The following ING5 variants were observed in gnomAD, a reference collection of about 807,000 sequenced individuals.
The protein encoded by ING5 is inhibitor of growth family member 5.
A neutral mutation model predicts 37.4 loss-of-function variants in ING5; 17 were observed. The ratio of observed to expected loss-of-function variants is 0.45; its 90% confidence interval spans 0.31 to 0.68. The LOEUF is 0.68. ING5 is among the 30% of genes least tolerant of loss of function. ING5 has a pLI of 0.05. For synonymous variants in ING5, 123 were observed against 116.6 expected (o/e 1.06, Z -0.36); for missense variants, 233 against 311.9 (o/e 0.75, Z 1.91).
intron 2 of ING5, among the ~76,000 whole-genome samples, chr2:241,691,226 G>GTGAA (rs2069549215): frequency 2.7e-5 from 4 of 150,674 alleles, no homozygotes; most frequent in Non-Finnish European, 5.9e-5. Context: ...ATCATTTGAG[G>GTGAA]TCAGGAGTTC....
At chr2:241,711,538 T>G in intron 4 of ING5, 50 bp downstream of exon 4, 1 of 1,236,608 alleles carries the variant, frequency 8.1e-7, no homozygotes. Flanking sequence ...AACTATGGAG[T>G]TTTGAAGAGT....
intron 5 of ING5, among the ~76,000 whole-genome samples, chr2:241,717,688 G>A (rs2070312936): frequency 6.9e-6 from 1 of 145,828 alleles, no homozygotes; most frequent in Non-Finnish European, 1.5e-5. Context: ...AATTATTTTT[G>A]GTGGTTTCTT....
Position 241,704,642 on chromosome 2 carries a change from T to C in ING5, c.38-11T>C. ...TGAGAGGTACATGGCTTCTGTGTTTTTGCGTTTCAGGTATCGAGAACCTTC... is the reference window on the plus strand; with the variant it reads ...TGAGAGGTACATGGCTTCTGTGTTTCTGCGTTTCAGGTATCGAGAACCTTC... On this transcript the variant is annotated splice_polypyrimidine_tract_variant and intron_variant, in intron 1 of 7. Transcript: ENST00000313552. 1 of 1,613,284 alleles carries C rather than the reference T, an allele frequency of 6.2e-7. No homozygotes were observed. The highest frequency in any genetic ancestry group is 8.5e-7 in the Non-Finnish European group (1 of 1,179,210).
Position 241,711,410 on chromosome 2 carries a change from C to A in ING5, c.310C>A (p.Leu104Met). The change falls in exon 4 of 8, where the codon CTG becomes ATG. Residue 104 changes from leucine to methionine, a missense_variant. Coordinates refer to ENST00000313552, the MANE Select transcript of ING5 (RefSeq NM_032329.6). ...ACACATTCGAAGGCTTGATGCAGAC[C>A]TGGCGCGCTTTGAAGCAGATCTGAA... Reference protein sequence around the residue: ...DKHIRRLDADLARFEADLKDK... With the variant: ...DKHIRRLDADMARFEADLKDK... 6.3e-7 allele frequency: 1 copy of A among 1,583,210 alleles called. No individual in the cohort carries two copies. The highest frequency in any genetic ancestry group is 8.6e-7 in the Non-Finnish European group (1 of 1,166,718).
At chr2:241,724,092 GA>G in intron 7 of ING5, 1 of 1,328,564 alleles carries the variant, frequency 7.5e-7, no homozygotes, top group Non-Finnish European at 9.6e-7. Flanking sequence ...TTCTGAAAAT[GA>G]AATCGGAATG....
At chr2:241,698,750 CAG>C (rs912146784), upstream of ING5, among the ~76,000 whole-genome samples, 9 of 152,138 alleles carry the variant, frequency 5.9e-5, no homozygotes, top group Non-Finnish European at 1.2e-4. Flanking sequence ...GTTTTTGAGA[CAG>C]AGTCTTGCTC....
At chr2:241,701,369 C>T (rs1040185792), upstream of ING5, among the ~76,000 whole-genome samples, 3 of 152,226 alleles carry the variant, frequency 2.0e-5, no homozygotes, top group African/African-American at 7.2e-5. Context: ...CCAGATGGTG[C>T]GGGTCCTGCC....
At chr2:241,687,225 C>A (rs573205676) in exon 1 of ING5, 2 of 397,218 alleles carry the variant, frequency 5.0e-6, no homozygotes, top group Admixed American at 8.8e-5. Flanking sequence ...ACTCTCAGGG[C>A]CCTGCGGTGC....
intron 5 of ING5, chr2:241,721,497 T>C (rs778158027): frequency 1.0e-6 from 1 of 985,444 alleles, no homozygotes; most frequent in Non-Finnish European, 1.2e-6. Flanking sequence ...TGTGTGTGTA[T>C]GTGTACAGGC....
intron 5 of ING5, chr2:241,712,314 G>A (rs556651827): frequency 1.1e-4 from 46 of 423,810 alleles, no homozygotes; most frequent in Middle Eastern, 6.7e-4. Context: ...GCTGTGGTGC[G>A]GCTGGGCTGC....
At position 241,711,898 on chromosome 2, in the gene ING5, C is replaced by T. The variant is rs1575130224; in HGVS notation, c.389-80C>T. 4.0e-6 allele frequency: 5 copies of T among 1,253,916 alleles called. No homozygotes were observed. In the East Asian group the frequency reaches 1.3e-4, roughly 32 times the overall value. The allele number at this position is 1,253,916 out of a possible 1,614,324, so 77.7% of individuals were successfully genotyped here. On this transcript the variant is annotated intron_variant, in intron 4 of 7. Coordinates refer to ENST00000313552, the MANE Select transcript of ING5 (RefSeq NM_032329.6). Reference sequence around the variant, plus strand: ...CCAGCCTGGGAGACAGAGCGAGACCCCTTTTTAAAAACAAAACACAAAACT... The same window carrying T: ...CCAGCCTGGGAGACAGAGCGAGACCTCTTTTTAAAAACAAAACACAAAACT...
At chr2:241,688,690 C>T (rs1401959877) in intron 1 of ING5, among the ~76,000 whole-genome samples, 2 of 152,182 alleles carry the variant, frequency 1.3e-5, no homozygotes, top group African/African-American at 4.8e-5. Flanking sequence ...GTGGCGCGAT[C>T]TCAGCTCACT....
At chr2:241,700,574 G>A (rs1286017315), upstream of ING5, among the ~76,000 whole-genome samples, 2 of 151,982 alleles carry the variant, frequency 1.3e-5, no homozygotes, top group African/African-American at 4.8e-5. Context: ...TCCTGTTTCA[G>A]CCTCCCGAGT....
chr2:241,710,344 C>T (rs1265743724), intron 3 of ING5, among the ~76,000 whole-genome samples: 1 of 151,896 alleles, frequency 6.6e-6, no homozygotes, highest in Non-Finnish European at 1.5e-5. Flanking sequence ...ACTGTGTCGC[C>T]CAGACTAGGG....
chr2:241,720,099 A>C (rs1263858091), intron 5 of ING5: 3 of 1,239,694 alleles, frequency 2.4e-6, no homozygotes, highest in East Asian at 3.1e-5. Context: ...AGGATGGTGC[A>C]GGTGGGCAGA....
At chr2:241,693,042 C>T (rs1482838472) in intron 2 of ING5, among the ~76,000 whole-genome samples, 2 of 151,928 alleles carry the variant, frequency 1.3e-5, no homozygotes, top group African/African-American at 2.4e-5. Flanking sequence ...GGGCAGATCA[C>T]GAGATCAGGA....
chr2:241,724,767 G>C, intron 7 of ING5: 1 of 507,572 alleles, frequency 2.0e-6, no homozygotes, highest in South Asian at 2.2e-5. Context: ...TTTGCTCATT[G>C]ATGGTGTATC....
At chr2:241,702,316 C>A (rs1210204751) in intron 1 of ING5, among the ~76,000 whole-genome samples, 1 of 149,822 alleles carries the variant, frequency 6.7e-6, no homozygotes, top group Non-Finnish European at 1.5e-5. Flanking sequence ...CCGGCTGGGT[C>A]GCGCCAATTC....
intron 1 of ING5, among the ~76,000 whole-genome samples, chr2:241,688,921 C>A (rs866100623): frequency 6.6e-6 from 1 of 152,138 alleles, no homozygotes; most frequent in African/African-American, 2.4e-5. Flanking sequence ...GCCTCAGCCT[C>A]CCCACTAGCT....
Sources: allele counts gnomAD v4.1 joint callset (sites outside exome capture counted in the v4.1 genomes callset), GRCh38; gene constraint gnomAD v4.1.1; transcripts MANE v1.5; gene names NCBI Gene and HGNC (gene_info 2026-07-23, HGNC 2026-07-21).